The following CHN1 variants were observed in gnomAD, a reference collection of about 807,000 sequenced individuals.
CHN1 encodes N-chimaerin.
Under a neutral mutation model 59.5 loss-of-function variants are expected in CHN1, and 37 were observed. That is an observed-to-expected ratio of 0.62 (90% CI 0.48 to 0.82). CHN1 has a LOEUF of 0.82. Among genes scored for constraint, CHN1 ranks in the 40% least tolerant of loss-of-function variants. CHN1 has a pLI of 0.00. For synonymous variants in CHN1, 206 were observed against 200.4 expected, an observed-to-expected ratio of 1.03 and a Z score of -0.24; for missense variants, 469 against 571.0, an observed-to-expected ratio of 0.82 and a Z score of 1.82.
intron 3 of CHN1, among the ~76,000 whole-genome samples, chr2:174,933,058 G>T (rs1689397494): frequency 2.0e-5 from 3 of 152,228 alleles, no homozygotes; most frequent in African/African-American, 7.2e-5. Context: ...CTGGAAGGCT[G>T]TGGTAATAGA....
chr2:174,806,838 G>A (rs1699627542), intron 11 of CHN1, among the ~76,000 whole-genome samples: 1 of 152,142 alleles, frequency 6.6e-6, no homozygotes, highest in Non-Finnish European at 1.5e-5. Flanking sequence ...ACTGCCAGAA[G>A]AGAGTGTACA....
rs542705025 is a variant in CHN1 at position 174,885,013 on chromosome 2, C to T, written c.261-6885G>A. Among the ~76,000 whole-genome samples, 7 of 151,864 alleles carry T rather than the reference C, an allele frequency of 4.6e-5. No individual in the cohort carries two copies. The East Asian group carries it at 5.8e-4, about 13-fold the overall frequency. On this transcript the variant is annotated intron_variant, in intron 5 of 12. Coordinates refer to ENST00000409900, the MANE Select transcript of CHN1 (RefSeq NM_001822.7). The stretch of plus-strand genomic sequence containing the variant: ...TGAAAATACACAGAAATTAGCCGGG[C>T]GCGGTGGCTCATGCCTGTAATCCCA...
Position 174,803,422 on chromosome 2 carries a change from T to TA in CHN1, c.1103-1611dup, listed in dbSNP as rs957600461. ...AGAATGTATTTGCTTTTTGCCATGA[T>TA]AAAAAATGTATGGTCTCTGAACTTT... On this transcript the variant is annotated intron_variant, in intron 11 of 12. Coordinates refer to ENST00000409900, the MANE Select transcript of CHN1 (RefSeq NM_001822.7). Among the ~76,000 whole-genome samples, 7 of 152,324 alleles carry TA rather than the reference T, an allele frequency of 4.6e-5. No homozygotes were observed. The East Asian group carries it at 7.7e-4, about 17-fold the overall frequency.
At chr2:174,969,678 CT>C (rs1690697803) in intron 1 of CHN1, among the ~76,000 whole-genome samples, 1 of 152,136 alleles carries the variant, frequency 6.6e-6, no homozygotes, top group Middle Eastern at 3.2e-3. Context: ...TCAAAACCCC[CT>C]GACACTTCAT....
At chr2:174,986,730 G>C (rs1385319130) in intron 1 of CHN1, among the ~76,000 whole-genome samples, 1 of 152,152 alleles carries the variant, frequency 6.6e-6, no homozygotes, top group Non-Finnish European at 1.5e-5. Context: ...TTTTCCTTAT[G>C]ATTTTTTGTT....
chr2:174,973,436 G>A (rs1275195669), intron 1 of CHN1, among the ~76,000 whole-genome samples: 2 of 152,270 alleles, frequency 1.3e-5, no homozygotes, highest in East Asian at 3.9e-4. Flanking sequence ...ACCTAGGCAG[G>A]AGGTGACAAA....
chr2:174,910,156 AGTT>A (rs1166892073), intron 5 of CHN1, among the ~76,000 whole-genome samples: 3 of 152,180 alleles, frequency 2.0e-5, no homozygotes, highest in Admixed American at 6.5e-5. Flanking sequence ...TTCCTGTTTA[AGTT>A]GTTAACATTT....
intron 5 of CHN1, among the ~76,000 whole-genome samples, chr2:174,898,520 C>T (rs2105353942): frequency 6.6e-6 from 1 of 152,088 alleles, no homozygotes; most frequent in Non-Finnish European, 1.5e-5. Flanking sequence ...AGGAGAATCA[C>T]TTGAACCCGG....
intron 6 of CHN1, among the ~76,000 whole-genome samples, chr2:174,872,100 G>A (rs1432642444): frequency 6.6e-6 from 1 of 152,070 alleles, no homozygotes; most frequent in Admixed American, 6.6e-5. Context: ...TGGGCAACAT[G>A]GAGAAACCTC....
rs1298484554 is a variant in CHN1, at chr2:174,851,898, C to T, written c.550-4941G>A. On this transcript the variant is annotated intron_variant, in intron 6 of 12. Coordinates refer to ENST00000409900, the MANE Select transcript of CHN1 (RefSeq NM_001822.7). The stretch of plus-strand genomic sequence containing the variant: ...CTACCAGAACTGATAAATGATTTTA[C>T]GAAGGTTTCAGTTTACAAAATCAAT... Among the ~76,000 whole-genome samples, 6 of 152,214 alleles carry T rather than the reference C, an allele frequency of 3.9e-5. No homozygotes were observed. The South Asian group carries it at 6.2e-4, about 16-fold the overall frequency.
chr2:174,851,218 C>A (rs768086287), intron 6 of CHN1, among the ~76,000 whole-genome samples: 12 of 152,192 alleles, frequency 7.9e-5, no homozygotes, highest in Non-Finnish European at 1.6e-4. Flanking sequence ...TTGATAGAAA[C>A]ATTAACAGTA....
rs899697451 is a variant in CHN1 at position 174,847,306 on chromosome 2, G to A, written c.550-349C>T. 5 of 1,326,660 alleles carry A rather than the reference G, an allele frequency of 3.8e-6. No homozygotes were observed. In the African/African-American group the frequency reaches 4.5e-5, roughly 12 times the overall value. The allele number at this position is 1,326,660 out of a possible 1,614,324, so 82.2% of individuals were successfully genotyped here. A position where few individuals can be genotyped will look rare whatever the true frequency, so the allele number is the denominator to read the frequency against. ...ATGAAGCACTTCTTAAACAGAGGTC[G>A]ACTAACCAGCAAATTCTTCTTTCTT... is the stretch of plus-strand genomic sequence containing the variant. On this transcript the variant is annotated intron_variant, in intron 6 of 12. Transcript: ENST00000409900.
At chr2:174,946,992 G>C (rs1689859071) in intron 2 of CHN1, among the ~76,000 whole-genome samples, 1 of 148,810 alleles carries the variant, frequency 6.7e-6, no homozygotes, top group Admixed American at 6.7e-5. Context: ...TTTCTACTTT[G>C]ATCAGTAATT....
chr2:174,885,666 T>C (rs1410533419), intron 5 of CHN1, among the ~76,000 whole-genome samples: 3 of 152,058 alleles, frequency 2.0e-5, no homozygotes, highest in Non-Finnish European at 2.9e-5. Flanking sequence ...AGTTGGGGTT[T>C]TGCCATGTTG....
rs1040667325 is a variant in CHN1, at chr2:175,005,087, G to A, written c.-175C>T. The A allele has an allele frequency of 5.0e-5, 67 of 1,336,282 alleles. No homozygotes were observed. Among genetic ancestry groups the A allele is most frequent in the Non-Finnish European group, 6.2e-5 (65 of 1,042,672 alleles). 82.8% of individuals were successfully genotyped at this position (1,336,282 alleles called of 1,614,324 possible). On this transcript the variant is annotated 5_prime_UTR_variant, in exon 1 of 13. Coordinates refer to ENST00000409900, the MANE Select transcript of CHN1 (RefSeq NM_001822.7). The stretch of plus-strand genomic sequence containing the variant: ...GCCGGGACGCGGGGGACCGCTGCAA[G>A]AAAAAGTTATTCACGCGTTATTGTC...
chr2:174,906,367 T>C (rs971276792), intron 5 of CHN1, among the ~76,000 whole-genome samples: 6 of 152,142 alleles, frequency 3.9e-5, no homozygotes, highest in Non-Finnish European at 7.4e-5. Flanking sequence ...CGAACATATA[T>C]AATGTCATTT....
intron 8 of CHN1, among the ~76,000 whole-genome samples, chr2:174,820,254 A>C (rs1025837376): frequency 4.6e-5 from 7 of 152,188 alleles, no homozygotes; most frequent in African/African-American, 1.4e-4. Flanking sequence ...ACTGACTTCT[A>C]CAATGGTTGA....
At chr2:174,929,029 C>A (rs1345472581) in intron 3 of CHN1, among the ~76,000 whole-genome samples, 1 of 152,144 alleles carries the variant, frequency 6.6e-6, no homozygotes, top group Admixed American at 6.5e-5. Context: ...GAAACTTACA[C>A]AGATTGTTTT....
intron 1 of CHN1, among the ~76,000 whole-genome samples, chr2:174,993,429 A>G (rs1290554525): frequency 6.6e-6 from 1 of 152,018 alleles, no homozygotes; most frequent in Admixed American, 6.6e-5. Context: ...CTCCTTTTTC[A>G]CTAGAGATGA....
Sources: gnomAD v4.1 joint callset for allele counts (sites outside exome capture counted in the v4.1 genomes callset) on GRCh38, gnomAD v4.1.1 for gene constraint, MANE v1.5 for transcripts, NCBI Gene and HGNC (gene_info 2026-07-23, HGNC 2026-07-21) for gene names.